Variants in FRAS1 observed in about 807,000 individuals in gnomAD.
FRAS1 encodes extracellular matrix organizing protein FRAS1.
FRAS1 carries 290 observed loss-of-function variants against 435.2 expected under a neutral mutation model. The ratio of observed to expected loss-of-function variants is 0.67; its 90% CI spans 0.61 to 0.73. The LOEUF (loss-of-function observed/expected upper bound fraction) is 0.73. Among genes scored for constraint, FRAS1 ranks in the 30% least tolerant of loss-of-function variants. The pLI, the probability that FRAS1 is intolerant of heterozygous loss-of-function variation, is 0.00. For missense variants in FRAS1, 4,860 were observed against 5,001.5 expected (o/e 0.97, Z 0.85); for synonymous variants, 1,800 against 1,851.0 (o/e 0.97, Z 0.71).
rs201754857 is a variant in FRAS1, at chr4:78,065,079, T to C, written c.77-906T>C. Among the ~76,000 whole-genome samples the C allele has an allele frequency of 1.5e-3, 158 of 107,108 alleles. 1 individual carries two copies. The East Asian group carries it at 0.03, about 20-fold the overall frequency. 70.3% of individuals were successfully genotyped at this position (107,108 alleles called of 152,430 possible). A position where few individuals can be genotyped will look rare whatever the true frequency, so the allele number is the denominator to read the frequency against. On this transcript the variant is annotated intron_variant, in intron 1 of 73. Coordinates refer to ENST00000512123, the MANE Select transcript of FRAS1 (RefSeq NM_025074.7). The stretch of plus-strand genomic sequence containing the variant: ...TAGTGTATATATATATATATATATA[T>C]ATATACATACACACACACACACTAA...
chr4:78,385,178 T>C (rs150375882), intron 28 of FRAS1, among the ~76,000 whole-genome samples: 3 of 152,264 alleles, frequency 2.0e-5, no homozygotes, highest in Middle Eastern at 3.4e-3. Flanking sequence ...ATACATATAG[T>C]TGTAGCTGCT....
At chr4:78,451,454 G>T (rs949162653) in intron 45 of FRAS1, among the ~76,000 whole-genome samples, 3 of 152,248 alleles carry the variant, frequency 2.0e-5, no homozygotes, top group Middle Eastern at 3.4e-3. Context: ...TTTACACATG[G>T]GCAGTTTTGT....
chr4:78,511,375 T>A lies in FRAS1; in HGVS notation c.9882T>A (p.Ile3294=). 6.2e-7 allele frequency: 1 copy of A among 1,613,934 alleles called. No individual in the cohort carries two copies. The highest frequency in any genetic ancestry group is 1.1e-5 in the South Asian group (1 of 91,082). The change falls in exon 64 of 74, where the codon ATT becomes ATA. Residue 3294 remains isoleucine (I), a synonymous_variant. Transcript: ENST00000512123. ...GHVGTPLRSN[I]VTIGTDSAIC... ...TGGGGACCCCCTTAAGGAGCAACATTGTTACCATTGGAACAGACAGTGCTA... is the reference window on the plus strand; with the variant it reads ...TGGGGACCCCCTTAAGGAGCAACATAGTTACCATTGGAACAGACAGTGCTA...
At chr4:78,210,916 TG>T (rs1201559903) in intron 2 of FRAS1, among the ~76,000 whole-genome samples, 1 of 152,142 alleles carries the variant, frequency 6.6e-6, no homozygotes, top group East Asian at 1.9e-4. Context: ...GGGGAGTTTA[TG>T]GGCACCCCAT....
chr4:78,263,969 CCTT>C (rs1726233988), intron 6 of FRAS1, among the ~76,000 whole-genome samples: 1 of 152,136 alleles, frequency 6.6e-6, no homozygotes, highest in Admixed American at 6.5e-5. Flanking sequence ...AGTAGACTGG[CCTT>C]CTTGTTCTTG....
intron 37 of FRAS1, among the ~76,000 whole-genome samples, chr4:78,430,692 A>G (rs1017248181): frequency 1.3e-5 from 2 of 152,174 alleles, no homozygotes; most frequent in African/African-American, 2.4e-5. Context: ...AACTTGGAGT[A>G]AATGCATTCA....
At chr4:78,371,924 C>T (rs1266049287) in intron 23 of FRAS1, among the ~76,000 whole-genome samples, 1 of 152,240 alleles carries the variant, frequency 6.6e-6, no homozygotes, top group East Asian at 1.9e-4. Flanking sequence ...AAATCTGATG[C>T]TGAGCCTAAT....
chr4:78,300,436 T>C (rs1404814986), intron 14 of FRAS1, among the ~76,000 whole-genome samples: 1 of 152,140 alleles, frequency 6.6e-6, no homozygotes, highest in Non-Finnish European at 1.5e-5. Flanking sequence ...CCTGCCCTCA[T>C]GGAGCTTACG....
At position 78,432,511 on chromosome 4, in the gene FRAS1, C is replaced by G. The variant is rs770060139; in HGVS notation, c.5124C>G (p.Asp1708Glu). Reference sequence around the variant, plus strand: ...GAGTAGAGGTGTCCCTGTCAGAAGACCGAGGGCCTCGACTGGCTGCTGGCT... The same window carrying G: ...GAGTAGAGGTGTCCCTGTCAGAAGAGCGAGGGCCTCGACTGGCTGCTGGCT... ...EVRVEVSLSE[D>E]RGPRLAAGSS... Residue 1708 changes from aspartate (D) to glutamate (E), a missense_variant, in exon 38 of 74, where the codon GAC (aspartate) becomes GAG (glutamate). Transcript: ENST00000512123. 6.2e-7 allele frequency: 1 copy of G among 1,613,036 alleles called. No homozygotes were observed.
At chr4:78,188,717 G>A (rs1722396836) in intron 2 of FRAS1, among the ~76,000 whole-genome samples, 1 of 152,138 alleles carries the variant, frequency 6.6e-6, no homozygotes, top group African/African-American at 2.4e-5. Flanking sequence ...CATCACATAA[G>A]GGTTTTTGCA....
rs1450039220 is a variant in FRAS1 at position 78,515,863 on chromosome 4, C to T, written c.10239C>T (p.Pro3413=). The T allele has an allele frequency of 1.3e-5, 21 of 1,613,892 alleles. No individual in the cohort carries two copies. Among genetic ancestry groups the T allele is most frequent in the East Asian group, 2.2e-5 (1 of 44,884 alleles). ...STALGPGYDR[P]FQFDPSVREP... ...CCCTGGGGCCTGGCTACGATCGCCC[C>T]TTCCAGTTTGACCCCAGCGTGCGAG... The change falls in exon 66 of 74, where the codon CCC becomes CCT. Residue 3413 remains proline, a synonymous_variant. Coordinates refer to ENST00000512123, the MANE Select transcript of FRAS1 (RefSeq NM_025074.7).
At chr4:78,299,070 C>G (rs922779647) in intron 14 of FRAS1, among the ~76,000 whole-genome samples, 5 of 152,110 alleles carry the variant, frequency 3.3e-5, no homozygotes, top group Non-Finnish European at 7.4e-5. Context: ...ATTTTAGGGG[C>G]TAAGGAAGGA....
chr4:78,429,784 A>T (rs148957746), intron 36 of FRAS1, among the ~76,000 whole-genome samples: 1 of 152,222 alleles, frequency 6.6e-6, no homozygotes, highest in South Asian at 2.1e-4. Context: ...CAGTTTCTAC[A>T]TATGGGGTTT....
chr4:78,442,445 T>C (rs1408019408), intron 41 of FRAS1, among the ~76,000 whole-genome samples: 1 of 152,154 alleles, frequency 6.6e-6, no homozygotes, highest in African/African-American at 2.4e-5. Flanking sequence ...AAAGTGGCAT[T>C]TGAGTTGGAA....
At chr4:78,190,500 A>G (rs13130520) in intron 2 of FRAS1, among the ~76,000 whole-genome samples, 1 of 151,368 alleles carries the variant, frequency 6.6e-6, no homozygotes, top group Admixed American at 6.6e-5. Flanking sequence ...ATCATCTGCT[A>G]GAATGTACTA....
chr4:78,521,623 A>C lies in FRAS1; in HGVS notation c.10641A>C (p.Lys3547Asn). 1 of 1,600,568 alleles carries C rather than the reference A, an allele frequency of 6.2e-7. No individual in the cohort carries two copies. Among genetic ancestry groups the C allele is most frequent in the Non-Finnish European group, 8.5e-7 (1 of 1,173,028 alleles). ...RLVIEFKTHAKFRGQFVMEHH... is the reference protein window; with the variant it reads ...RLVIEFKTHANFRGQFVMEHH... ...TCATTGAATTCAAGACCCATGCCAA[A>C]TTCAGAGGTAATATCAATGCCGTTT... The change falls in exon 68 of 74, where the codon AAA (lysine) becomes AAC (asparagine). Residue 3547 changes from lysine to asparagine, a missense_variant. Coordinates refer to ENST00000512123, the MANE Select transcript of FRAS1 (RefSeq NM_025074.7).
At chr4:78,524,950 G>A (rs1721487118) in intron 69 of FRAS1, among the ~76,000 whole-genome samples, 1 of 152,148 alleles carries the variant, frequency 6.6e-6, no homozygotes, top group Admixed American at 6.5e-5. Flanking sequence ...AGGTGAGGGA[G>A]TTGGCTATGC....
chr4:78,305,665 T>C (rs1395479012), intron 14 of FRAS1, among the ~76,000 whole-genome samples: 1 of 150,584 alleles, frequency 6.6e-6, no homozygotes, highest in Non-Finnish European at 1.5e-5. Context: ...GTCTGTTTTG[T>C]CAGAGACTAG....
chr4:78,160,560 CTGCTT>C (rs1721097485), intron 2 of FRAS1, among the ~76,000 whole-genome samples: 1 of 152,010 alleles, frequency 6.6e-6, no homozygotes, highest in Non-Finnish European at 1.5e-5. Context: ...TAAGTACAGG[CTGCTT>C]TGTTTATGTA....
Sources: allele counts gnomAD v4.1 joint callset (sites outside exome capture counted in the v4.1 genomes callset), GRCh38; gene constraint gnomAD v4.1.1; transcripts MANE v1.5; gene names NCBI Gene and HGNC (gene_info 2026-07-23, HGNC 2026-07-21).